GRM5: variants seen among roughly 807,000 people sequenced by gnomAD.
GRM5 encodes the protein metabotropic glutamate receptor 5.
Under a neutral mutation model 83.1 loss-of-function variants are expected in GRM5, and 19 were observed. The ratio of observed to expected loss-of-function variants is 0.23; its 90% CI spans 0.16 to 0.34. The LOEUF is 0.34. GRM5 is among the 10% of genes least tolerant of loss of function. The pLI, the probability that GRM5 is intolerant of heterozygous loss-of-function variation, is 1.00. For synonymous variants in GRM5, 675 were observed against 633.6 expected (o/e 1.07, Z -0.98); for missense variants, 1,160 against 1,588.3 (o/e 0.73, Z 4.58).
intron 8 of GRM5, among the ~76,000 whole-genome samples, chr11:88,553,012 A>G (rs1565335867): frequency 6.6e-6 from 1 of 152,158 alleles, no homozygotes; most frequent in East Asian, 1.9e-4. Flanking sequence ...TCACATTAGC[A>G]TTCTGCTAAC....
chr11:88,947,515 T>C (rs768749914), intron 2 of GRM5, among the ~76,000 whole-genome samples: 1 of 152,162 alleles, frequency 6.6e-6, no homozygotes, highest in Non-Finnish European at 1.5e-5. Context: ...CTTTTTACCA[T>C]TGCGTCCTTG....
At chr11:88,932,990 A>G (rs1265596669) in intron 2 of GRM5, among the ~76,000 whole-genome samples, 4 of 151,912 alleles carry the variant, frequency 2.6e-5, no homozygotes, top group Non-Finnish European at 4.4e-5. Context: ...TAAAAAATCA[A>G]TTTTATTTGG....
At chr11:88,725,791 G>A (rs1941665097) in intron 3 of GRM5, among the ~76,000 whole-genome samples, 1 of 151,496 alleles carries the variant, frequency 6.6e-6, no homozygotes, top group Non-Finnish European at 1.5e-5. Context: ...CTGCAGCAGA[G>A]GGGCCTGACT....
At chr11:88,962,081 G>C (rs546158895) in intron 2 of GRM5, among the ~76,000 whole-genome samples, 1 of 152,188 alleles carries the variant, frequency 6.6e-6, no homozygotes, top group East Asian at 1.9e-4. Context: ...TGCATAAGTA[G>C]TGCATAAAAA....
intron 3 of GRM5, among the ~76,000 whole-genome samples, chr11:88,661,050 G>A (rs1289551117): frequency 1.3e-5 from 2 of 152,186 alleles, no homozygotes; most frequent in African/African-American, 2.4e-5. Context: ...AGGAAGGCAA[G>A]ATTTCTGCTC....
Position 88,724,092 on chromosome 11 carries a change from A to C in GRM5, c.912-70689T>G, listed in dbSNP as rs559907999. Among the ~76,000 whole-genome samples, 4 of 152,262 alleles carry C rather than the reference A, an allele frequency of 2.6e-5. No homozygotes were observed. In the East Asian group the frequency reaches 5.8e-4, roughly 22 times the overall value. On this transcript the variant is annotated intron_variant, in intron 3 of 9. Coordinates refer to ENST00000305447, the MANE Select transcript of GRM5 (RefSeq NM_001143831.3). ...CTTAATATAATCTATGAGGACTTAC[A>C]TGTGCTCGTAGCTACCTATTCCTCC...
intron 4 of GRM5, among the ~76,000 whole-genome samples, chr11:88,632,841 A>G (rs1357286473): frequency 6.6e-6 from 1 of 152,210 alleles, no homozygotes; most frequent in Non-Finnish European, 1.5e-5. Context: ...TCTTCCCAAC[A>G]TTTGATATGA....
chr11:88,901,301 T>C (rs542033), intron 2 of GRM5, among the ~76,000 whole-genome samples: 146,433 of 152,224 alleles, frequency 0.96, 70,482 homozygotes, highest in East Asian at 0.99. Flanking sequence ...CCTTGACATA[T>C]ATTAATTCAC....
intron 2 of GRM5, among the ~76,000 whole-genome samples, chr11:88,956,649 A>G (rs1938624702): frequency 6.6e-6 from 1 of 152,168 alleles, no homozygotes; most frequent in Non-Finnish European, 1.5e-5. Flanking sequence ...TACTAAAAAT[A>G]CAAAAAATTA....
chr11:88,798,930 T>C (rs1215256386), intron 3 of GRM5, among the ~76,000 whole-genome samples: 1 of 151,756 alleles, frequency 6.6e-6, no homozygotes, highest in Non-Finnish European at 1.5e-5. Context: ...GCACCTGTTC[T>C]AAGCTAGATC....
At chr11:88,938,373 T>G (rs1422248290) in intron 2 of GRM5, among the ~76,000 whole-genome samples, 1 of 151,638 alleles carries the variant, frequency 6.6e-6, no homozygotes, top group Non-Finnish European at 1.5e-5. Flanking sequence ...ATCTTTTATA[T>G]TTTTCATACA....
intron 2 of GRM5, among the ~76,000 whole-genome samples, chr11:88,938,667 T>C (rs562715117): frequency 4.0e-5 from 6 of 151,634 alleles, no homozygotes; most frequent in Middle Eastern, 3.2e-3. Context: ...CTGGGTCCTC[T>C]GCACAAACAC....
intron 2 of GRM5, among the ~76,000 whole-genome samples, chr11:88,969,302 G>C (rs1939092470): frequency 6.6e-6 from 1 of 152,040 alleles, no homozygotes; most frequent in Admixed American, 6.6e-5. Context: ...CCAAGCATGT[G>C]AGAAACACTA....
chr11:89,027,327 C>T (rs1201677499), intron 2 of GRM5, among the ~76,000 whole-genome samples: 1 of 150,862 alleles, frequency 6.6e-6, no homozygotes, highest in Non-Finnish European at 1.5e-5. Context: ...ATCTCTTGAC[C>T]TCGTGATCCA....
At chr11:88,601,948 A>G (rs544160784) in intron 5 of GRM5, among the ~76,000 whole-genome samples, 43 of 152,210 alleles carry the variant, frequency 2.8e-4, no homozygotes, top group Non-Finnish European at 4.8e-4. Flanking sequence ...AACAAGCAGC[A>G]GACTCCATGT....
chr11:88,979,047 G>A (rs559241234), intron 2 of GRM5, among the ~76,000 whole-genome samples: 3 of 152,234 alleles, frequency 2.0e-5, no homozygotes, highest in Non-Finnish European at 4.4e-5. Flanking sequence ...ATTTCACAAA[G>A]AGCCATAATT....
At chr11:88,585,250 A>G (rs1943289455) in intron 7 of GRM5, among the ~76,000 whole-genome samples, 1 of 152,240 alleles carries the variant, frequency 6.6e-6, no homozygotes, top group African/African-American at 2.4e-5. Flanking sequence ...TTCCAGTGTT[A>G]CATAAAACTT....
intron 6 of GRM5, among the ~76,000 whole-genome samples, chr11:88,592,114 G>A (rs1365410648): frequency 6.6e-6 from 1 of 152,152 alleles, no homozygotes; most frequent in Non-Finnish European, 1.5e-5. Flanking sequence ...AAAGACGCAG[G>A]GGAAAGAGCA....
rs59939060 is a variant in GRM5 at position 88,924,134 on chromosome 11, C to CAAAAAA, written c.662-73985_662-73980dup. On this transcript the variant is annotated intron_variant, in intron 2 of 9. Coordinates refer to ENST00000305447, the MANE Select transcript of GRM5 (RefSeq NM_001143831.3). ...TCACACCTGTTAGTATAGCTATAAT[C>CAAAAAA]AAAAAAAAAAAATAAGAAATAATCA... 1.8e-3 allele frequency among the ~76,000 whole-genome samples: 270 copies of CAAAAAA among 146,898 alleles called. 3 individuals are homozygous for CAAAAAA. The highest frequency in any genetic ancestry group is 4.8e-3 in the African/African-American group (191 of 39,872).
Sources: allele counts gnomAD v4.1 joint callset (sites outside exome capture counted in the v4.1 genomes callset), GRCh38; gene constraint gnomAD v4.1.1; transcripts MANE v1.5; gene names NCBI Gene and HGNC (gene_info 2026-07-23, HGNC 2026-07-21).